KIAA0319L: variants seen among roughly 807,000 people sequenced by gnomAD.
KIAA0319L encodes the protein dyslexia-associated protein KIAA0319-like protein.
In KIAA0319L, 55 loss-of-function variants were observed where a neutral mutation model predicts 120.1. That is an observed-to-expected ratio of 0.46 (90% CI 0.37 to 0.57). The LOEUF is 0.57. Ranked by LOEUF, KIAA0319L falls within the 20% of genes least tolerant of loss-of-function variation. The pLI is 0.00. For synonymous variants in KIAA0319L, 398 were observed against 471.9 expected, an observed-to-expected ratio of 0.84 and a Z score of 2.03; for missense variants, 1,049 against 1,255.3, an observed-to-expected ratio of 0.84 and a Z score of 2.48.
At chr1:35,534,645 G>A (rs761681893) in intron 2 of KIAA0319L, among the ~76,000 whole-genome samples, 1 of 151,844 alleles carries the variant, frequency 6.6e-6, no homozygotes, top group African/African-American at 2.4e-5. Context: ...GGATCACGAG[G>A]TCAGGAAATC....
At chr1:35,454,685 A>G in intron 10 of KIAA0319L, 200 bp from the exon 11 acceptor site, 1 of 1,324,088 alleles carries the variant, frequency 7.6e-7, no homozygotes, top group Non-Finnish European at 9.8e-7. Flanking sequence ...CCCTTCAAGG[A>G]AACAACCCTC....
intron 3 of KIAA0319L, among the ~76,000 whole-genome samples, chr1:35,482,778 C>G (rs1269040603): frequency 6.6e-6 from 1 of 152,142 alleles, no homozygotes; most frequent in Non-Finnish European, 1.5e-5. Flanking sequence ...TAGGTAAATA[C>G]TTATAAATAG....
chr1:35,462,177 C>T (rs1642944560), intron 8 of KIAA0319L, among the ~76,000 whole-genome samples: 1 of 152,084 alleles, frequency 6.6e-6, no homozygotes, highest in African/African-American at 2.4e-5. Flanking sequence ...CTGTGAGTGT[C>T]TCCAGGAGGC....
At chr1:35,447,981 C>T (rs1366168686) in intron 16 of KIAA0319L, among the ~76,000 whole-genome samples, 192 bp downstream of exon 16, 3 of 152,138 alleles carry the variant, frequency 2.0e-5, no homozygotes, top group Non-Finnish European at 4.4e-5. Flanking sequence ...ACCCTGGAGC[C>T]CTGCTGAAGT....
chr1:35,456,108 T>G lies in KIAA0319L; in HGVS notation c.1561A>C (p.Thr521Pro), dbSNP rs763195469. ...TCAGTGCTCTGGTTCCCAAAGAGGG[T>G]GATGGAGTTTTGGGGCAGGGTGATC... Reference protein sequence around the residue: ...QVITLPQNSITLFGNQSTDDH... With the variant: ...QVITLPQNSIPLFGNQSTDDH... The change falls in exon 10 of 21, where the codon ACC (threonine) becomes CCC (proline). Residue 521 changes from threonine (T) to proline (P), a missense_variant. Coordinates refer to ENST00000325722, the MANE Select transcript of KIAA0319L (RefSeq NM_024874.5). 8 of 1,613,756 alleles carry G rather than the reference T, an allele frequency of 5.0e-6. 1 individual carries two copies. The highest frequency in any genetic ancestry group is 5.9e-6 in the Non-Finnish European group (7 of 1,179,968).
chr1:35,499,322 G>T (rs987299897), intron 3 of KIAA0319L, among the ~76,000 whole-genome samples: 1 of 152,174 alleles, frequency 6.6e-6, no homozygotes, highest in East Asian at 1.9e-4. Context: ...AAGGTAATTA[G>T]GTCATGAAGT....
chr1:35,518,451 C>T (rs1441168234), intron 2 of KIAA0319L, among the ~76,000 whole-genome samples: 1 of 152,060 alleles, frequency 6.6e-6, no homozygotes, highest in Non-Finnish European at 1.5e-5. Context: ...CTTTAGCAAA[C>T]TAACGCAGGA....
intron 3 of KIAA0319L, among the ~76,000 whole-genome samples, chr1:35,500,879 C>T (rs1419996202): frequency 6.6e-6 from 1 of 152,162 alleles, no homozygotes; most frequent in Non-Finnish European, 1.5e-5. Context: ...AAGCTAGCTC[C>T]TAAGCATGAT....
intron 3 of KIAA0319L, among the ~76,000 whole-genome samples, chr1:35,481,953 T>G (rs905497722): frequency 6.7e-6 from 1 of 150,110 alleles, no homozygotes; most frequent in East Asian, 2.0e-4. Flanking sequence ...GCCTCCTGAG[T>G]AGCTGGGACT....
chr1:35,521,559 G>T (rs917436592), intron 2 of KIAA0319L, among the ~76,000 whole-genome samples: 1 of 151,284 alleles, frequency 6.6e-6, no homozygotes, highest in African/African-American at 2.4e-5. Flanking sequence ...GCGTGAACCC[G>T]GGAGGCGGAG....
chr1:35,478,372 C>T (rs1306356785), intron 4 of KIAA0319L, among the ~76,000 whole-genome samples: 1 of 151,478 alleles, frequency 6.6e-6, no homozygotes, highest in African/African-American at 2.4e-5. Context: ...TGACTATAGT[C>T]AATAATATTT....
chr1:35,515,806 A>G (rs1645655881), intron 2 of KIAA0319L, among the ~76,000 whole-genome samples: 1 of 152,220 alleles, frequency 6.6e-6, no homozygotes, highest in Non-Finnish European at 1.5e-5. Flanking sequence ...GCCACTAACT[A>G]AACTAATAAA....
In KIAA0319L at chr1:35,496,946, C is replaced by CAAAAAAA. The variant is rs1558484218; in HGVS notation, c.666+9665_666+9666insTTTTTTT. Among the ~76,000 whole-genome samples, 7 of 64,372 alleles carry CAAAAAAA rather than the reference C, an allele frequency of 1.1e-4. 3 individuals carry two copies. The highest frequency in any genetic ancestry group is 4.9e-4 in the African/African-American group (4 of 8,198). The allele number at this position is 64,372 out of a possible 152,430, so 42.2% of individuals were successfully genotyped here. A position where few individuals can be genotyped will look rare whatever the true frequency, so the allele number is the denominator to read the frequency against. On this transcript the variant is annotated intron_variant, in intron 3 of 20. Transcript: ENST00000325722. ...TGAGCAACAGAGTGAGATTGTGTCT[C>CAAAAAAA]CAAAAAAAAAAAAAAAAAAAAAAAG...
At chr1:35,520,825 C>G (rs925802701) in intron 2 of KIAA0319L, among the ~76,000 whole-genome samples, 1 of 152,016 alleles carries the variant, frequency 6.6e-6, no homozygotes, top group African/African-American at 2.4e-5. Context: ...ATGGGGGAGA[C>G]AGAGATTAAA....
chr1:35,462,499 G>A (rs1642968648), intron 8 of KIAA0319L, 122 bp downstream of exon 8: 2 of 730,096 alleles, frequency 2.7e-6, no homozygotes, highest in Non-Finnish European at 4.6e-6. Flanking sequence ...CCCCTAACAT[G>A]GTCAAGATGA....
chr1:35,478,863 A>G, intron 4 of KIAA0319L, 103 bp downstream of exon 4: 2 of 1,337,542 alleles, frequency 1.5e-6, no homozygotes, highest in Non-Finnish European at 2.1e-6. Flanking sequence ...TCTCTAACAC[A>G]CAGTATTCAA....
At chr1:35,477,620 T>C (rs1313035927) in intron 4 of KIAA0319L, among the ~76,000 whole-genome samples, 2 of 146,822 alleles carry the variant, frequency 1.4e-5, no homozygotes, top group Non-Finnish European at 3.0e-5. Flanking sequence ...TGAGCCGAGA[T>C]TGCGCCACTG....
At chr1:35,526,407 AT>A (rs1646144456) in intron 2 of KIAA0319L, among the ~76,000 whole-genome samples, 1 of 144,780 alleles carries the variant, frequency 6.9e-6, no homozygotes, top group African/African-American at 2.6e-5. Context: ...ATATATATAT[AT>A]ATACACACAT....
chr1:35,485,267 T>C (rs1307728410), intron 3 of KIAA0319L, among the ~76,000 whole-genome samples: 1 of 152,156 alleles, frequency 6.6e-6, no homozygotes. Context: ...AATTCTCCCA[T>C]AGTATGTTGT....
Sources: gnomAD v4.1 joint callset for allele counts (sites outside exome capture counted in the v4.1 genomes callset) on GRCh38, gnomAD v4.1.1 for gene constraint, MANE v1.5 for transcripts, NCBI Gene and HGNC (gene_info 2026-07-23, HGNC 2026-07-21) for gene names.